The following ZNF704 variants were observed in gnomAD, a reference collection of about 807,000 sequenced individuals.
ZNF704 encodes the protein glucocorticoid induced gene 1.
A neutral mutation model predicts 44.7 loss-of-function variants in ZNF704; 10 were observed. The ratio of observed to expected loss-of-function variants is 0.22; its 90% confidence interval spans 0.14 to 0.38. The LOEUF is 0.38. ZNF704 is among the 10% of genes least tolerant of loss of function. ZNF704 has a pLI of 1.00. For missense variants in ZNF704, 390 were observed against 545.5 expected (o/e 0.71, Z 2.84); for synonymous variants, 211 against 207.6 (o/e 1.02, Z -0.14).
chr8:80,652,049 A>C (rs1307965226), intron 7 of ZNF704, among the ~76,000 whole-genome samples: 4 of 152,296 alleles, frequency 2.6e-5, no homozygotes, highest in African/African-American at 4.8e-5. Flanking sequence ...AAACTGAACA[A>C]CCTGCTCCTG....
chr8:80,730,650 A>AT (rs1191439462), intron 2 of ZNF704, among the ~76,000 whole-genome samples: 9 of 152,038 alleles, frequency 5.9e-5, no homozygotes, highest in African/African-American at 2.2e-4. Flanking sequence ...TTTCTAAAAA[A>AT]TAGATTAGAT....
rs142285068 is a variant in ZNF704 at position 80,773,016 on chromosome 8, T to C, written c.221+48358A>G. ...GTTCCTCTTTGATTCATGGGTTATA[T>C]AGAGGTGTGTTATTTAATTTCCAAG... On this transcript the variant is annotated intron_variant, in intron 2 of 8. Transcript: ENST00000327835. 5.8e-3 allele frequency among the ~76,000 whole-genome samples: 881 copies of C among 152,294 alleles called. 10 individuals are homozygous for C. The highest frequency in any genetic ancestry group is 0.018 in the African/African-American group (759 of 41,570).
chr8:80,653,434 C>T (rs1247136515), intron 7 of ZNF704, among the ~76,000 whole-genome samples: 1 of 152,132 alleles, frequency 6.6e-6, no homozygotes, highest in East Asian at 1.9e-4. Flanking sequence ...AGTCTCAGCC[C>T]AAAATCTCCT....
intron 6 of ZNF704, among the ~76,000 whole-genome samples, chr8:80,661,410 A>G (rs1207826233): frequency 1.3e-5 from 2 of 152,212 alleles, no homozygotes; most frequent in African/African-American, 4.8e-5. Flanking sequence ...TAAAAACAGA[A>G]CTACCATATA....
chr8:80,744,327 T>C (rs563654378), intron 2 of ZNF704, among the ~76,000 whole-genome samples: 9 of 152,286 alleles, frequency 5.9e-5, no homozygotes, highest in Non-Finnish European at 1.0e-4. Context: ...TGAAGTAACA[T>C]TGAGAGAAGT....
At chr8:80,683,700 C>A (rs1818489838) in intron 4 of ZNF704, among the ~76,000 whole-genome samples, 1 of 152,214 alleles carries the variant, frequency 6.6e-6, no homozygotes, top group Admixed American at 6.5e-5. Flanking sequence ...AAATGAAATG[C>A]TACATTTAAA....
At chr8:80,787,067 T>C (rs1432448938) in intron 2 of ZNF704, among the ~76,000 whole-genome samples, 1 of 152,186 alleles carries the variant, frequency 6.6e-6, no homozygotes, top group Non-Finnish European at 1.5e-5. Flanking sequence ...TACACTTTAA[T>C]TGCTAAGATT....
At position 80,672,669 on chromosome 8, in the gene ZNF704, C is replaced by A. The variant is rs182497285; in HGVS notation, c.559-2066G>T. 3.3e-5 allele frequency among the ~76,000 whole-genome samples: 5 copies of A among 152,236 alleles called. No individual in the cohort carries two copies. The East Asian group carries it at 9.7e-4, about 29-fold the overall frequency. On this transcript the variant is annotated intron_variant, in intron 4 of 8. Transcript: ENST00000327835. ...GTGAATTGATGCGGAAACAGAAAAGCAAATACTGCATGCTCTCACTTCTAA... is the reference window on the plus strand; with the variant it reads ...GTGAATTGATGCGGAAACAGAAAAGAAAATACTGCATGCTCTCACTTCTAA...
chr8:80,845,053 A>T (rs1045265764), intron 1 of ZNF704, among the ~76,000 whole-genome samples: 19 of 152,136 alleles, frequency 1.2e-4, no homozygotes, highest in Non-Finnish European at 2.4e-4. Context: ...ATCTGAATGG[A>T]AGTTACAGAA....
In ZNF704 at chr8:80,854,420, T is replaced by C. The variant is rs576234445; in HGVS notation, c.-22+20151A>G. Among the ~76,000 whole-genome samples the C allele has an allele frequency of 3.5e-4, 54 of 152,272 alleles. No homozygotes were observed. The South Asian group carries it at 5.6e-3, about 16-fold the overall frequency. On this transcript the variant is annotated intron_variant, in intron 1 of 8. Transcript: ENST00000327835. ...ATTAGAGGGACTGCTTGAGCTTGGA[T>C]CTCCTTTCCAACTCACTGGGCACTG... is the stretch of plus-strand genomic sequence containing the variant.
At chr8:80,758,219 T>G (rs1220064991) in intron 2 of ZNF704, among the ~76,000 whole-genome samples, 1 of 152,200 alleles carries the variant, frequency 6.6e-6, no homozygotes, top group Non-Finnish European at 1.5e-5. Flanking sequence ...GTCACCAAAT[T>G]ATCAGTTATC....
intron 1 of ZNF704, among the ~76,000 whole-genome samples, chr8:80,832,589 C>T (rs893240982): frequency 5.9e-5 from 9 of 152,120 alleles, no homozygotes; most frequent in African/African-American, 2.2e-4. Flanking sequence ...GAGTTGGCTC[C>T]GGAGATTAAC....
In ZNF704 at chr8:80,630,859, A is replaced by G. The variant is rs1296469511; in HGVS notation, c.*10507T>C. The stretch of plus-strand genomic sequence containing the variant: ...AAATAGGAATTTTAGGGTGTGTTGT[A>G]GGAAAATATTGATTCAGGGATTTTT... On this transcript the variant is annotated 3_prime_UTR_variant, in exon 9 of 9. Transcript: ENST00000327835. The G allele has an allele frequency of 6.6e-6, 1 of 152,204 alleles. No individual in the cohort carries two copies. Among genetic ancestry groups the G allele is most frequent in the African/African-American group, 2.4e-5 (1 of 41,458 alleles). The allele number at this position is 152,204 out of a possible 1,614,324, so 9.4% of individuals were successfully genotyped here. A position where few individuals can be genotyped will look rare whatever the true frequency, so the allele number is the denominator to read the frequency against.
At chr8:80,761,882 T>C (rs1415318177) in intron 2 of ZNF704, among the ~76,000 whole-genome samples, 3 of 152,260 alleles carry the variant, frequency 2.0e-5, no homozygotes, top group African/African-American at 4.8e-5. Context: ...AATACCTTGA[T>C]AGATAACCTA....
At chr8:80,698,627 G>T (rs1234302933) in intron 2 of ZNF704, among the ~76,000 whole-genome samples, 1 of 152,310 alleles carries the variant, frequency 6.6e-6, no homozygotes, top group East Asian at 1.9e-4. Flanking sequence ...TGTGGAAAAT[G>T]AGTTTCTTGG....
intron 2 of ZNF704, among the ~76,000 whole-genome samples, chr8:80,804,526 G>A (rs1307457204): frequency 6.6e-6 from 1 of 152,160 alleles, no homozygotes; most frequent in African/African-American, 2.4e-5. Flanking sequence ...CCTTTGCAGG[G>A]ACATGGATGG....
At chr8:80,748,743 G>A (rs1806890355) in intron 2 of ZNF704, among the ~76,000 whole-genome samples, 1 of 152,140 alleles carries the variant, frequency 6.6e-6, no homozygotes, top group Non-Finnish European at 1.5e-5. Flanking sequence ...ACTTGGCTTA[G>A]AGTCGGAAAG....
At chr8:80,730,197 C>T (rs77990150) in intron 2 of ZNF704, among the ~76,000 whole-genome samples, 2,256 of 152,190 alleles carry the variant, frequency 0.015, 69 homozygotes, top group African/African-American at 0.051. Context: ...AGAAGAAACA[C>T]GTGTGTCCAG....
chr8:80,717,500 G>GCTTC (rs1209919974), intron 2 of ZNF704, among the ~76,000 whole-genome samples: 1 of 152,178 alleles, frequency 6.6e-6, no homozygotes, highest in Non-Finnish European at 1.5e-5. Flanking sequence ...AGTAATACCT[G>GCTTC]CTTCCTAGGG....
Sources: gnomAD v4.1 joint callset for allele counts (sites outside exome capture counted in the v4.1 genomes callset) on GRCh38, gnomAD v4.1.1 for gene constraint, MANE v1.5 for transcripts, NCBI Gene and HGNC (gene_info 2026-07-23, HGNC 2026-07-21) for gene names.